Variants in PAN2 observed in about 807,000 individuals in gnomAD.
The protein encoded by PAN2 is poly(A) specific ribonuclease subunit PAN2.
A neutral mutation model predicts 133.3 loss-of-function variants in PAN2; 68 were observed. That is an observed-to-expected ratio of 0.51 (90% CI 0.42 to 0.62). The LOEUF (loss-of-function observed/expected upper bound fraction) is 0.62. Among genes scored for constraint, PAN2 ranks in the 20% least tolerant of loss-of-function variants. The probability of loss-of-function intolerance (pLI) is 0.00; values close to 1 mark genes in which losing one functional copy is unlikely to be tolerated. For missense variants in PAN2, 1,042 were observed against 1,500.5 expected (o/e 0.69, Z 5.05); for synonymous variants, 462 against 544.6 (o/e 0.85, Z 2.11).
Position 56,325,434 on chromosome 12 carries a change from C to T in PAN2, c.1380G>A (p.Glu460=). The T allele has an allele frequency of 6.2e-7, 1 of 1,614,216 alleles. No homozygotes were observed. The highest frequency in any genetic ancestry group is 1.1e-5 in the South Asian group (1 of 91,084). ...TGAAGCTGTCAAATTCACTGTCTGA[C>T]TCCTTGAGTCTGTAGGGTATCTAGG... ...LRNQIPYRLK[E]SDSEFDSFSQ... is the part of the protein sequence containing the mutation. The change falls in exon 9 of 26, where the codon GAG becomes GAA. Residue 460 remains glutamate (E), a synonymous_variant. Coordinates refer to ENST00000440411, the MANE Select transcript of PAN2 (RefSeq NM_014871.6).
rs764537230 is a variant in PAN2 at position 56,325,478 on chromosome 12, C to T, written c.1360-24G>A. On this transcript the variant is annotated intron_variant, in intron 8 of 25. Transcript: ENST00000440411. Reference sequence around the variant, plus strand: ...ATCTAGGGATTTTAGGAAGAGGTAACCTTGTTGGATGTCTTGTCATCTTTG... The same window carrying T: ...ATCTAGGGATTTTAGGAAGAGGTAATCTTGTTGGATGTCTTGTCATCTTTG... 3.1e-6 allele frequency: 5 copies of T among 1,612,778 alleles called. No individual in the cohort carries two copies. In the South Asian group the frequency reaches 5.5e-5, roughly 18 times the overall value.
At chr12:56,332,433 A>C (rs1226244909) in intron 2 of PAN2, among the ~76,000 whole-genome samples, 3 of 152,004 alleles carry the variant, frequency 2.0e-5, no homozygotes, top group Non-Finnish European at 2.9e-5. Context: ...AAGACTAAAA[A>C]ATTTTTTAAA....
chr12:56,318,230 G>A lies in PAN2; in HGVS notation c.3562+7C>T. The A allele has an allele frequency of 1.2e-6, 2 of 1,611,180 alleles. No individual in the cohort carries two copies. Among genetic ancestry groups the A allele is most frequent in the Non-Finnish European group, 1.7e-6 (2 of 1,177,404 alleles). On this transcript the variant is annotated splice_region_variant and intron_variant, in intron 25 of 25. Transcript: ENST00000440411. ...TCCAGTTTCCCTTGTCCCATCCCAG[G>A]TCTTACTCTTGGGACTTGTTTGGCC...
Position 56,324,453 on chromosome 12 carries a change from G to GC in PAN2, c.1768dup (p.Ala590GlyfsTer10). On this transcript the variant is annotated frameshift_variant, in exon 12 of 26. Transcript: ENST00000440411. LOFTEE classifies it high-confidence loss of function. Reference sequence around the variant, plus strand: ...AGCCAGGATTAGACCGAGGGCTGAGGCCTCAGGAATAGTACGGAATGCCCG... The same window carrying GC: ...AGCCAGGATTAGACCGAGGGCTGAGGCCCTCAGGAATAGTACGGAATGCCCG... 6.2e-7 allele frequency: 1 copy of GC among 1,614,210 alleles called. No individual in the cohort carries two copies. The highest frequency in any genetic ancestry group is 8.5e-7 in the Non-Finnish European group (1 of 1,180,042).
At chr12:56,332,009 G>C (rs980948083) in intron 2 of PAN2, among the ~76,000 whole-genome samples, 1 of 152,120 alleles carries the variant, frequency 6.6e-6, no homozygotes, top group Non-Finnish European at 1.5e-5. Context: ...CACCGGTCCC[G>C]GCCGGACAGC....
At chr12:56,329,031 T>C (rs962004081) in intron 2 of PAN2, among the ~76,000 whole-genome samples, 1 of 152,178 alleles carries the variant, frequency 6.6e-6, no homozygotes, top group African/African-American at 2.4e-5. Flanking sequence ...GCAAATACTA[T>C]ATCATTTTCT....
chr12:56,327,369 T>C lies in PAN2; in HGVS notation c.914A>G (p.Gln305Arg). The stretch of plus-strand genomic sequence containing the variant: ...ATCCCATATGCCCTTCATACCTGAC[T>C]GAGAGATGATAGCAAGACGAGAAGT... ...TYTSRLAIIS[Q>R]SGQCQFCEPT... The change falls in exon 6 of 26, where the codon CAG becomes CGG. Residue 305 changes from glutamine (Q) to arginine (R), a missense_variant. Coordinates refer to ENST00000440411, the MANE Select transcript of PAN2 (RefSeq NM_014871.6). 1.9e-6 allele frequency: 3 copies of C among 1,614,058 alleles called. No individual in the cohort carries two copies. Among genetic ancestry groups the C allele is most frequent in the Non-Finnish European group, 2.5e-6 (3 of 1,179,924 alleles).
At chr12:56,328,148 C>G (rs998450434) in intron 4 of PAN2, 76 bp from the exon 5 acceptor site, 2 of 1,604,742 alleles carry the variant, frequency 1.2e-6, no homozygotes. Context: ...AGGTCACACC[C>G]ACATCTCAGG....
At chr12:56,324,842 G>T in intron 10 of PAN2, 133 bp from the exon 11 acceptor site, 2 of 1,370,298 alleles carry the variant, frequency 1.5e-6, no homozygotes, top group South Asian at 1.4e-5. Flanking sequence ...CACCAAACCG[G>T]TGGAGCTCAG....
chr12:56,323,728 A>C (rs1228646934), intron 14 of PAN2, 79 bp downstream of exon 14: 2 of 1,431,492 alleles, frequency 1.4e-6, no homozygotes, highest in Non-Finnish European at 2.0e-6. Flanking sequence ...CAGTGCTGAC[A>C]GAGCCAGCCC....
Position 56,323,446 on chromosome 12 carries a change from G to A in PAN2, c.2271+54C>T, listed in dbSNP as rs116981928. The A allele has an allele frequency of 1.9e-3, 3,099 of 1,608,368 alleles. 5 individuals carry two copies. The highest frequency in any genetic ancestry group is 2.5e-3 in the Non-Finnish European group (2,962 of 1,174,936). On this transcript the variant is annotated intron_variant, in intron 15 of 25. Transcript: ENST00000440411. ...TGTAATCATATATGGAGGTCAGAAGGGGGATAAAATGAAAAATTATTCCGG... is the reference window on the plus strand; with the variant it reads ...TGTAATCATATATGGAGGTCAGAAGAGGGATAAAATGAAAAATTATTCCGG...
At chr12:56,325,526 C>G in intron 8 of PAN2, 72 bp from the exon 9 acceptor site, 1 of 1,552,124 alleles carries the variant, frequency 6.4e-7, no homozygotes, top group Non-Finnish European at 8.8e-7. Flanking sequence ...TTTATCCCAA[C>G]ATTGAAACAG....
At position 56,319,945 on chromosome 12, in the gene PAN2, G is replaced by C; in HGVS notation, c.2865C>G (p.Thr955=). ...TCTCATTCAGCATCAGTGGAATAAA[G>C]GTAGTATGTGTTTTCCGCTGCTTCC... is the stretch of plus-strand genomic sequence containing the variant. The part of the protein sequence containing the change: ...LARKQRKTHT[T]FIPLMLNEMP... Residue 955 remains threonine, a synonymous_variant, in exon 21 of 26, where the codon ACC becomes ACG. Coordinates refer to ENST00000440411, the MANE Select transcript of PAN2 (RefSeq NM_014871.6). This position sits in a 1 kb window ranked among gnomAD's most constrained non-coding sequence, Gnocchi z 5.4. The C allele has an allele frequency of 2.5e-6, 4 of 1,614,184 alleles. No individual in the cohort carries two copies. Among genetic ancestry groups the C allele is most frequent in the Non-Finnish European group, 3.4e-6 (4 of 1,180,018 alleles).
rs10525866 is a variant in PAN2 at position 56,330,353 on chromosome 12, C to CTTTTTTTT, written c.283-1720_283-1713dup. Among the ~76,000 whole-genome samples, 28 of 92,644 alleles carry CTTTTTTTT rather than the reference C, an allele frequency of 3.0e-4. 1 individual carries two copies. The highest frequency in any genetic ancestry group is 6.5e-4 in the East Asian group (2 of 3,056). 60.8% of individuals were successfully genotyped at this position (92,644 alleles called of 152,430 possible). A position where few individuals can be genotyped will look rare whatever the true frequency, so the allele number is the denominator to read the frequency against. ...AACCCCCTTACTCAACTGTATTTTT[C>CTTTTTTTT]TTTTTTTTTTTTTTTTTTTTTTTTG... is the stretch of plus-strand genomic sequence containing the variant. On this transcript the variant is annotated intron_variant, in intron 2 of 25. Coordinates refer to ENST00000440411, the MANE Select transcript of PAN2 (RefSeq NM_014871.6).
intron 20 of PAN2, among the ~76,000 whole-genome samples, chr12:56,321,249 A>G (rs1874494099): frequency 6.9e-6 from 1 of 144,542 alleles, no homozygotes; most frequent in South Asian, 2.2e-4. Flanking sequence ...TTTTTTTGAG[A>G]CAGGGTTTCA....
rs577342947 is a variant in PAN2, at chr12:56,321,699, A to C, written c.2788+379T>G. On this transcript the variant is annotated intron_variant, in intron 20 of 25. Transcript: ENST00000440411. Reference sequence around the variant, plus strand: ...CCCTGTCTCTACTAAAAATACAAAAAAATTAGCCGGGTGTGGTGGTGGGCG... The same window carrying C: ...CCCTGTCTCTACTAAAAATACAAAACAATTAGCCGGGTGTGGTGGTGGGCG... Among the ~76,000 whole-genome samples the C allele has an allele frequency of 4.0e-5, 6 of 151,474 alleles. No homozygotes were observed. In the East Asian group the frequency reaches 1.2e-3, roughly 30 times the overall value.
At chr12:56,330,549 CG>C (rs893790729) in intron 2 of PAN2, among the ~76,000 whole-genome samples, 10 of 150,676 alleles carry the variant, frequency 6.6e-5, no homozygotes, top group Admixed American at 6.0e-4. Context: ...TTAGTAGAGA[CG>C]GGGTTTCACC....
Position 56,328,029 on chromosome 12 carries a change from T to G in PAN2, c.617A>C (p.Asn206Thr). 3 of 1,613,918 alleles carry G rather than the reference T, an allele frequency of 1.9e-6. No individual in the cohort carries two copies. Among genetic ancestry groups the G allele is most frequent in the Non-Finnish European group, 2.5e-6 (3 of 1,179,896 alleles). ...TPGVTIMRQT[N>T]RFFFCGHTSG... ...CGTGTGGCCGCAGAAGAAGAAGCGATTTGTCTGTCTCATGATGGTGACTCC... is the reference window on the plus strand; with the variant it reads ...CGTGTGGCCGCAGAAGAAGAAGCGAGTTGTCTGTCTCATGATGGTGACTCC... The change falls in exon 5 of 26, where the codon AAT (asparagine) becomes ACT (threonine). Residue 206 changes from asparagine to threonine, a missense_variant. By Grantham distance (65) the Asn-to-Thr change is moderately conservative (BLOSUM62 0). Around this residue, in one of 3 missense-constraint regions of PAN2, gnomAD observed 908 missense variants for 1,223.5 expected, o/e 0.74. Coordinates refer to ENST00000440411, the MANE Select transcript of PAN2 (RefSeq NM_014871.6).
chr12:56,319,584 C>T lies in PAN2; in HGVS notation c.3090+37G>A. The stretch of plus-strand genomic sequence containing the variant: ...GTTCTTGAGCACTGTAAGTAAGCAC[C>T]AGGGTGTGCCTCACTTGCATCTCCA... On this transcript the variant is annotated intron_variant, in intron 22 of 25. Coordinates refer to ENST00000440411, the MANE Select transcript of PAN2 (RefSeq NM_014871.6). This position sits in a 1 kb window ranked among gnomAD's most constrained non-coding sequence, Gnocchi z 5.4. The T allele has an allele frequency of 1.3e-6, 2 of 1,592,172 alleles. No individual in the cohort carries two copies. Among genetic ancestry groups the T allele is most frequent in the East Asian group, 4.5e-5 (2 of 44,764 alleles).
Sources: gnomAD v4.1 joint callset for allele counts (sites outside exome capture counted in the v4.1 genomes callset) on GRCh38, gnomAD v4.1.1 for gene constraint, gnomAD v4.1.1 regional missense constraint, Gnocchi (gnomAD v3.1) non-coding constraint, MANE v1.5 for transcripts, NCBI Gene and HGNC (gene_info 2026-07-23, HGNC 2026-07-21) for gene names.